The following GRAMD1B variants were observed in gnomAD, a reference collection of about 807,000 sequenced individuals.
GRAMD1B encodes the protein protein Aster-B.
Under a neutral mutation model 99.7 loss-of-function variants are expected in GRAMD1B, and 37 were observed. The observed-to-expected ratio is 0.37, with a 90% CI of 0.29 to 0.49. GRAMD1B has a LOEUF of 0.49. GRAMD1B is among the 20% of genes least tolerant of loss of function. The probability of loss-of-function intolerance (pLI) is 0.98; values close to 1 mark genes in which losing one functional copy is unlikely to be tolerated. For synonymous variants in GRAMD1B, 427 were observed against 387.6 expected (o/e 1.10, Z -1.19); for missense variants, 888 against 1,009.2 (o/e 0.88, Z 1.63).
intron 1 of GRAMD1B, among the ~76,000 whole-genome samples, chr11:123,419,310 G>T (rs777211372): frequency 1.1e-4 from 17 of 152,124 alleles, no homozygotes; most frequent in Non-Finnish European, 2.1e-4. Context: ...CACCTATACA[G>T]AAGGGAACTC....
intron 2 of GRAMD1B, among the ~76,000 whole-genome samples, chr11:123,522,144 G>T (rs983643791): frequency 6.6e-6 from 1 of 152,060 alleles, no homozygotes; most frequent in Non-Finnish European, 1.5e-5. Flanking sequence ...GGTTGTGTTA[G>T]TGCTTGCGAT....
chr11:123,577,061 A>G (rs982988931), intron 2 of GRAMD1B, among the ~76,000 whole-genome samples: 4 of 152,232 alleles, frequency 2.6e-5, no homozygotes, highest in Admixed American at 2.6e-4. Flanking sequence ...AATTTTTGGC[A>G]TATAATAGGG....
chr11:123,417,497 A>G (rs369333233), intron 1 of GRAMD1B, among the ~76,000 whole-genome samples: 1 of 152,340 alleles, frequency 6.6e-6, no homozygotes, highest in South Asian at 2.1e-4. Context: ...TGTTGACATG[A>G]AAGTCTGAAA....
intron 1 of GRAMD1B, among the ~76,000 whole-genome samples, chr11:123,443,555 A>G (rs1949506082): frequency 7.1e-6 from 1 of 141,280 alleles, no homozygotes; most frequent in African/African-American, 2.7e-5. Context: ...GTGGATTCAA[A>G]GATTTTCTTT....
At position 123,594,854 on chromosome 11, in the gene GRAMD1B, T is replaced by C. The variant is rs376575428; in HGVS notation, c.873+16T>C. The C allele has an allele frequency of 2.8e-5, 38 of 1,372,256 alleles. No homozygotes were observed. The African/African-American group carries it at 5.3e-4, about 19-fold the overall frequency. The allele number at this position is 1,372,256 out of a possible 1,614,324, so 85.0% of individuals were successfully genotyped here. On this transcript the variant is annotated intron_variant, in intron 6 of 19. Transcript: ENST00000635736. ...GGAAACTCTGGTAAAGACCTGGGCA[T>C]GCTCCCTTGGGCTGTCTCCTTGGCT...
intron 16 of GRAMD1B, 97 bp from the exon 17 acceptor site, chr11:123,614,648 A>C: frequency 1.5e-6 from 1 of 663,250 alleles, no homozygotes; most frequent in Non-Finnish European, 2.7e-6. Flanking sequence ...ACATTTTTCC[A>C]TCAGTCTCTG....
intron 1 of GRAMD1B, among the ~76,000 whole-genome samples, chr11:123,402,175 C>G (rs1947687770): frequency 6.6e-6 from 1 of 152,106 alleles, no homozygotes; most frequent in Non-Finnish European, 1.5e-5. Context: ...GCCACCACAC[C>G]CAGCTAATTT....
intron 1 of GRAMD1B, among the ~76,000 whole-genome samples, chr11:123,390,109 A>G (rs1385097111): frequency 6.7e-6 from 1 of 149,984 alleles, no homozygotes; most frequent in African/African-American, 2.5e-5. Flanking sequence ...AATTGATTTA[A>G]CAAATAGCTA....
chr11:123,548,323 T>TACACACACACACACAC (rs1288714416), intron 2 of GRAMD1B, among the ~76,000 whole-genome samples: 59 of 100,500 alleles, frequency 5.9e-4, no homozygotes, highest in Non-Finnish European at 8.5e-4. Context: ...TATATATATA[T>TACACACACACACACAC]ATACACACAC....
intron 2 of GRAMD1B, among the ~76,000 whole-genome samples, chr11:123,514,843 T>A (rs1385999026): frequency 6.6e-6 from 1 of 152,176 alleles, no homozygotes; most frequent in East Asian, 1.9e-4. Context: ...TTACTATTAT[T>A]TTTACATCTA....
chr11:123,577,151 T>C (rs552197410), intron 2 of GRAMD1B, among the ~76,000 whole-genome samples: 1 of 152,348 alleles, frequency 6.6e-6, no homozygotes, highest in South Asian at 2.1e-4. Context: ...CGTGCGTCTG[T>C]GTCCACATGG....
chr11:123,593,934 T>G, intron 4 of GRAMD1B, 148 bp from the exon 5 acceptor site: 1 of 635,612 alleles, frequency 1.6e-6, no homozygotes, highest in Admixed American at 2.5e-5. Flanking sequence ...GAGGCGCCGT[T>G]CCTCAGCCTG....
chr11:123,626,901 T>A lies in GRAMD1B; in HGVS notation c.*4306T>A, dbSNP rs1955533122. The A allele has an allele frequency of 6.6e-6, 1 of 152,254 alleles. No homozygotes were observed. The highest frequency in any genetic ancestry group is 6.5e-5 in the Admixed American group (1 of 15,284). 9.4% of individuals were successfully genotyped at this position (152,254 alleles called of 1,614,324 possible). ...TGCTGTCATAGTGCAGAGCAGAAACTTGCACACTATTTAGAGAGCTCCCTT... is the reference window on the plus strand; with the variant it reads ...TGCTGTCATAGTGCAGAGCAGAAACATGCACACTATTTAGAGAGCTCCCTT... On this transcript the variant is annotated 3_prime_UTR_variant, in exon 20 of 20. Transcript: ENST00000635736.
chr11:123,393,537 C>T (rs914888578), intron 1 of GRAMD1B, among the ~76,000 whole-genome samples: 2 of 152,128 alleles, frequency 1.3e-5, no homozygotes, highest in Admixed American at 6.6e-5. Flanking sequence ...ACAGAGATGG[C>T]TAATGCATGC....
chr11:123,494,077 C>T (rs1938925825), intron 2 of GRAMD1B, among the ~76,000 whole-genome samples: 1 of 152,208 alleles, frequency 6.6e-6, no homozygotes. Flanking sequence ...CCCTAAATTG[C>T]ATGAGAGCAG....
intron 1 of GRAMD1B, among the ~76,000 whole-genome samples, chr11:123,378,207 G>A (rs1265662096): frequency 6.6e-6 from 1 of 152,224 alleles, no homozygotes; most frequent in Non-Finnish European, 1.5e-5. Context: ...CGTGGAATTA[G>A]TAAGAGGAAG....
chr11:123,395,931 G>A (rs1052363399), intron 1 of GRAMD1B, among the ~76,000 whole-genome samples: 1 of 152,138 alleles, frequency 6.6e-6, no homozygotes, highest in Non-Finnish European at 1.5e-5. Context: ...ACTCAAAGGA[G>A]GTATCAGAGA....
intron 2 of GRAMD1B, among the ~76,000 whole-genome samples, chr11:123,565,481 C>T (rs1369640319): frequency 6.6e-6 from 1 of 152,190 alleles, no homozygotes; most frequent in Non-Finnish European, 1.5e-5. Flanking sequence ...AGAGGTGCTC[C>T]AAAGATTCTT....
chr11:123,419,670 GT>G (rs1459954980), intron 1 of GRAMD1B, among the ~76,000 whole-genome samples: 1 of 149,996 alleles, frequency 6.7e-6, no homozygotes, highest in Non-Finnish European at 1.5e-5. Flanking sequence ...CCAGTGTCTG[GT>G]GCAAGAAGGG....
Sources: gnomAD v4.1 joint callset for allele counts (sites outside exome capture counted in the v4.1 genomes callset) on GRCh38, gnomAD v4.1.1 for gene constraint, MANE v1.5 for transcripts, NCBI Gene and HGNC (gene_info 2026-07-23, HGNC 2026-07-21) for gene names.